Variants in GALNTL6 observed in about 807,000 individuals in gnomAD.
GALNTL6 encodes the protein polypeptide N-acetylgalactosaminyltransferase like 6, also known as polypeptide N-acetylgalactosaminyltransferase-like 6.
Under a neutral mutation model 73.7 loss-of-function variants are expected in GALNTL6, and 46 were observed. The observed-to-expected ratio is 0.62, with a 90% confidence interval of 0.49 to 0.80. GALNTL6 has a LOEUF of 0.80. Among genes scored for constraint, GALNTL6 ranks in the 30% least tolerant of loss-of-function variants. The pLI, the probability that GALNTL6 is intolerant of heterozygous loss-of-function variation, is 0.00. For synonymous variants in GALNTL6, 259 were observed against 263.7 expected, an observed-to-expected ratio of 0.98 and a Z score of 0.17; for missense variants, 604 against 755.0, an observed-to-expected ratio of 0.80 and a Z score of 2.34.
chr4:172,964,241 TCTC>T (rs1414271155), intron 10 of GALNTL6, among the ~76,000 whole-genome samples: 4 of 152,328 alleles, frequency 2.6e-5, no homozygotes, highest in African/African-American at 7.2e-5. Flanking sequence ...ATTTTCGCCT[TCTC>T]CTCCTTAGAA....
rs1401457630 is a variant in GALNTL6, at chr4:172,070,219, G to A, written c.139-159437G>A. ...TACTATTGTTCATAGCTGCTTATTG[G>A]CATTTCAGATTTGGGAATTTGTGGG... On this transcript the variant is annotated intron_variant, in intron 2 of 12. Coordinates refer to ENST00000506823, the MANE Select transcript of GALNTL6 (RefSeq NM_001034845.3). Among the ~76,000 whole-genome samples, 3 of 110,296 alleles carry A rather than the reference G, an allele frequency of 2.7e-5. 1 individual carries two copies. The highest frequency in any genetic ancestry group is 6.1e-5 in the Non-Finnish European group (3 of 49,530). The allele number at this position is 110,296 out of a possible 152,430, so 72.4% of individuals were successfully genotyped here.
At chr4:172,951,982 A>G in intron 9 of GALNTL6, 55 bp from the exon 10 acceptor site, 2 of 1,430,552 alleles carry the variant, frequency 1.4e-6, no homozygotes, top group South Asian at 1.2e-5. Flanking sequence ...GCAACAAAAA[A>G]CACCTTTTGA....
intron 5 of GALNTL6, among the ~76,000 whole-genome samples, chr4:172,474,578 T>C (rs1733166856): frequency 6.6e-6 from 1 of 152,182 alleles, no homozygotes; most frequent in African/African-American, 2.4e-5. Context: ...GGCACTGTGG[T>C]AAGATGCTTC....
chr4:172,765,283 G>A (rs1223712645), intron 5 of GALNTL6, among the ~76,000 whole-genome samples: 2 of 152,034 alleles, frequency 1.3e-5, no homozygotes, highest in African/African-American at 4.8e-5. Flanking sequence ...AAAATGAGAA[G>A]TAAAAATATT....
chr4:172,212,795 G>T (rs895647394), intron 2 of GALNTL6, among the ~76,000 whole-genome samples: 1 of 152,070 alleles, frequency 6.6e-6, no homozygotes, highest in Non-Finnish European at 1.5e-5. Context: ...AGCCTCCTGA[G>T]TAGCTGGGAT....
At chr4:172,143,051 G>C (rs1733842492) in intron 2 of GALNTL6, among the ~76,000 whole-genome samples, 1 of 151,934 alleles carries the variant, frequency 6.6e-6, no homozygotes, top group African/African-American at 2.4e-5. Context: ...CATTTAACAA[G>C]CATTTACTGG....
At chr4:171,940,564 G>A (rs1292949272) in intron 2 of GALNTL6, among the ~76,000 whole-genome samples, 2 of 152,100 alleles carry the variant, frequency 1.3e-5, no homozygotes, top group African/African-American at 4.8e-5. Context: ...GCTCATGCCT[G>A]TGATTTCAAC....
chr4:172,931,368 T>G, intron 9 of GALNTL6, 100 bp downstream of exon 9: 3 of 752,460 alleles, frequency 4.0e-6, no homozygotes, highest in Non-Finnish European at 7.4e-6. Context: ...AGCTCTCCAG[T>G]GTACAGAGAG....
At chr4:172,697,395 C>G (rs1437941387) in intron 5 of GALNTL6, among the ~76,000 whole-genome samples, 2 of 152,132 alleles carry the variant, frequency 1.3e-5, no homozygotes, top group Admixed American at 6.5e-5. Context: ...GATCTTGATC[C>G]TCTAAGTAAA....
rs545781913 is a variant in GALNTL6 at position 172,898,510 on chromosome 4, ATTAT to A, written c.1041+15609_1041+15612del. 1.5e-3 allele frequency among the ~76,000 whole-genome samples: 227 copies of A among 151,870 alleles called. 2 individuals are homozygous for A. The highest frequency in any genetic ancestry group is 6.9e-3 in the Middle Eastern group (2 of 290). ...TTTCTCTTTTTCCTTCATTACAGTC[ATTAT>A]TTATTAGAAATGTAGGTGGATTCTT... On this transcript the variant is annotated intron_variant, in intron 8 of 12. Coordinates refer to ENST00000506823, the MANE Select transcript of GALNTL6 (RefSeq NM_001034845.3).
At chr4:172,114,687 G>GA (rs1732940032) in intron 2 of GALNTL6, among the ~76,000 whole-genome samples, 1 of 151,998 alleles carries the variant, frequency 6.6e-6, no homozygotes, top group African/African-American at 2.4e-5. Context: ...GTTTTTAAAA[G>GA]AAAAAATGAA....
intron 2 of GALNTL6, chr4:171,814,940 C>G (rs1027613463): frequency 6.9e-5 from 40 of 580,594 alleles, no homozygotes; most frequent in African/African-American, 6.0e-4. Context: ...AAGGATAAGA[C>G]AGGTCAAGAA....
intron 7 of GALNTL6, among the ~76,000 whole-genome samples, chr4:172,856,454 C>T (rs1336192501): frequency 1.3e-5 from 2 of 152,092 alleles, no homozygotes; most frequent in Non-Finnish European, 2.9e-5. Flanking sequence ...TTTTTGCCTT[C>T]TTCCCTATCC....
chr4:172,202,434 A>G (rs1735983646), intron 2 of GALNTL6, among the ~76,000 whole-genome samples: 1 of 152,236 alleles, frequency 6.6e-6, no homozygotes, highest in African/African-American at 2.4e-5. Flanking sequence ...AAGTTTTTGG[A>G]TAGTGTAATA....
Position 172,797,955 on chromosome 4 carries a change from T to A in GALNTL6, c.554-11406T>A, listed in dbSNP as rs1398266015. On this transcript the variant is annotated intron_variant, in intron 5 of 12. Coordinates refer to ENST00000506823, the MANE Select transcript of GALNTL6 (RefSeq NM_001034845.3). ...ATTTTTTAAATTACTTTGGAATTTT[T>A]AAAAATAGCTCCAAAGCTCCAAATG... Among the ~76,000 whole-genome samples the A allele has an allele frequency of 3.9e-5, 6 of 152,296 alleles. No individual in the cohort carries two copies. In the East Asian group the frequency reaches 9.6e-4, roughly 24 times the overall value.
chr4:172,447,427 C>T (rs1052195095), intron 5 of GALNTL6, among the ~76,000 whole-genome samples: 3 of 152,146 alleles, frequency 2.0e-5, no homozygotes, highest in African/African-American at 7.2e-5. Context: ...GTAGCCACTG[C>T]ATTTGGCATC....
chr4:172,019,051 C>T (rs572383316), intron 2 of GALNTL6, among the ~76,000 whole-genome samples: 45 of 152,250 alleles, frequency 3.0e-4, no homozygotes, highest in Non-Finnish European at 5.3e-4. Flanking sequence ...GCAGATTTTT[C>T]CCCTCTCACA....
intron 5 of GALNTL6, among the ~76,000 whole-genome samples, chr4:172,604,605 C>G (rs1436727843): frequency 6.6e-6 from 1 of 152,056 alleles, no homozygotes; most frequent in Non-Finnish European, 1.5e-5. Context: ...TTAAAGGTAA[C>G]AAAATTAAAA....
intron 2 of GALNTL6, among the ~76,000 whole-genome samples, chr4:171,948,294 C>T (rs1414600274): frequency 6.6e-6 from 1 of 152,088 alleles, no homozygotes; most frequent in African/African-American, 2.4e-5. Context: ...ACTGAAAGGA[C>T]TTGATGTTGA....
Sources: gnomAD v4.1 joint callset for allele counts (sites outside exome capture counted in the v4.1 genomes callset) on GRCh38, gnomAD v4.1.1 for gene constraint, MANE v1.5 for transcripts, NCBI Gene and HGNC (gene_info 2026-07-23, HGNC 2026-07-21) for gene names.